The following DYSF variants were observed in gnomAD, a reference collection of about 807,000 sequenced individuals.
DYSF encodes dystrophy-associated fer-1-like 1.
DYSF carries 212 observed loss-of-function variants against 274.9 expected under a neutral mutation model. The ratio of observed to expected loss-of-function variants is 0.77; its 90% confidence interval spans 0.69 to 0.86. DYSF has a LOEUF of 0.86. Among genes scored for constraint, DYSF ranks in the 40% least tolerant of loss-of-function variants. The probability of loss-of-function intolerance (pLI) is 0.00; values close to 1 mark genes in which losing one functional copy is unlikely to be tolerated. For missense variants in DYSF, 2,666 were observed against 2,783.2 expected (o/e 0.96, Z 0.95); for synonymous variants, 1,091 against 1,078.7 (o/e 1.01, Z -0.22).
intron 52 of DYSF, 72 bp downstream of exon 52, chr2:71,674,368 A>G: frequency 6.9e-7 from 1 of 1,458,690 alleles, no homozygotes; most frequent in Non-Finnish European, 9.6e-7. Context: ...TGTTTATGCC[A>G]CTGTTGGACC....
intron 30 of DYSF, chr2:71,576,218 G>GA: frequency 6.5e-6 from 1 of 152,998 alleles, no homozygotes; most frequent in Non-Finnish European, 1.5e-5. Context: ...AGGAGCTTCT[G>GA]AAAACAAAAA....
chr2:71,617,435 G>A (rs1487348976), intron 40 of DYSF, among the ~76,000 whole-genome samples: 1 of 152,232 alleles, frequency 6.6e-6, no homozygotes, highest in Admixed American at 6.5e-5. Flanking sequence ...CCTCTGAGGC[G>A]GGTGGGTGAA....
chr2:71,462,724 G>A (rs933935689), upstream of DYSF, among the ~76,000 whole-genome samples: 1 of 152,228 alleles, frequency 6.6e-6, no homozygotes, highest in African/African-American at 2.4e-5. Flanking sequence ...CTAGCTTTCA[G>A]CAGAGAGGAG....
chr2:71,657,318 C>T (rs2094793700), intron 43 of DYSF, among the ~76,000 whole-genome samples: 1 of 152,134 alleles, frequency 6.6e-6, no homozygotes, highest in Non-Finnish European at 1.5e-5. Flanking sequence ...AGCTCTGCCT[C>T]TGTGGCTTTG....
rs574601451 is a variant in DYSF, at chr2:71,643,543, C to T, written c.4528-422C>T. ...GGTCTGAATTTTCCTGGATCTACTG[C>T]ATTTTGTTCATAAATAATACATTAT... is the stretch of plus-strand genomic sequence containing the variant. On this transcript the variant is annotated intron_variant, in intron 41 of 55. Coordinates refer to ENST00000410020, the MANE Select transcript of DYSF (RefSeq NM_001130987.2). Among the ~76,000 whole-genome samples the T allele has an allele frequency of 3.2e-4, 48 of 152,264 alleles. 1 individual carries two copies. The South Asian group carries it at 9.8e-3, about 31-fold the overall frequency.
chr2:71,666,592 C>T (rs1419013592), intron 47 of DYSF, among the ~76,000 whole-genome samples: 1 of 152,230 alleles, frequency 6.6e-6, no homozygotes, highest in Non-Finnish European at 1.5e-5. Context: ...GGATGGTTGG[C>T]CAGGCTTCTC....
At chr2:71,554,054 C>T (rs2091163666) in intron 21 of DYSF, 123 bp downstream of exon 21, 11 of 1,470,992 alleles carry the variant, frequency 7.5e-6, no homozygotes, top group South Asian at 4.6e-5. Context: ...GCCTACTGAC[C>T]TTTGTGGTTG....
At chr2:71,612,376 A>G (rs902306567) in intron 38 of DYSF, among the ~76,000 whole-genome samples, 9 of 152,140 alleles carry the variant, frequency 5.9e-5, no homozygotes, top group South Asian at 2.1e-4. Flanking sequence ...GAGGGAGCGC[A>G]GCCTCGTTTC....
chr2:71,590,916 T>A (rs934890596), intron 32 of DYSF, among the ~76,000 whole-genome samples: 1 of 152,190 alleles, frequency 6.6e-6, no homozygotes, highest in Admixed American at 6.5e-5. Flanking sequence ...CTTGCCCCTT[T>A]GTATCTAGGT....
At chr2:71,607,550 C>T (rs927805053) in intron 36 of DYSF, among the ~76,000 whole-genome samples, 5 of 152,204 alleles carry the variant, frequency 3.3e-5, no homozygotes, top group South Asian at 4.1e-4. Context: ...TTGTAGAACG[C>T]GTGGGCTGTT....
At chr2:71,566,612 C>T (rs527493659) in intron 24 of DYSF, among the ~76,000 whole-genome samples, 3 of 149,650 alleles carry the variant, frequency 2.0e-5, no homozygotes, top group South Asian at 2.1e-4. Flanking sequence ...GGCCCCGTCT[C>T]GGGGAGGACA....
At chr2:71,518,670 C>T (rs1469155504) in intron 10 of DYSF, among the ~76,000 whole-genome samples, 1 of 152,108 alleles carries the variant, frequency 6.6e-6, no homozygotes, top group East Asian at 1.9e-4. Flanking sequence ...TTATTTTCCC[C>T]TCTCCCCTCT....
At chr2:71,531,930 T>C (rs1322979361) in intron 14 of DYSF, among the ~76,000 whole-genome samples, 1 of 152,144 alleles carries the variant, frequency 6.6e-6, no homozygotes, top group East Asian at 1.9e-4. Flanking sequence ...ACAAAAACAT[T>C]GTGACAGAGG....
chr2:71,637,061 A>G (rs1331142582), intron 41 of DYSF, among the ~76,000 whole-genome samples: 1 of 152,126 alleles, frequency 6.6e-6, no homozygotes, highest in East Asian at 1.9e-4. Flanking sequence ...TAGAGACAAT[A>G]AGTGTGGACA....
chr2:71,471,967 A>T (rs1221344457), intron 1 of DYSF, among the ~76,000 whole-genome samples: 1 of 151,658 alleles, frequency 6.6e-6, no homozygotes, highest in African/African-American at 2.4e-5. Context: ...CTCAGTCTCA[A>T]AAACATCAAT....
chr2:71,653,425 G>C (rs1329106873), intron 42 of DYSF, among the ~76,000 whole-genome samples: 1 of 152,022 alleles, frequency 6.6e-6, no homozygotes, highest in Non-Finnish European at 1.5e-5. Flanking sequence ...GTCCAACAAT[G>C]ATAGACTGGA....
At chr2:71,584,966 C>A (rs920860668) in intron 30 of DYSF, among the ~76,000 whole-genome samples, 1 of 152,204 alleles carries the variant, frequency 6.6e-6, no homozygotes, top group Admixed American at 6.5e-5. Context: ...TGTTATTTAA[C>A]AAGAGCCTAG....
intron 14 of DYSF, among the ~76,000 whole-genome samples, chr2:71,530,706 A>C (rs2088597227): frequency 1.3e-5 from 2 of 152,162 alleles, no homozygotes; most frequent in South Asian, 4.1e-4. Flanking sequence ...GGTGGACCCC[A>C]GGCCTTTGCG....
chr2:71,526,481 G>T (rs2087935588), intron 13 of DYSF, 135 bp downstream of exon 13: 1 of 1,310,676 alleles, frequency 7.6e-7, no homozygotes, highest in Non-Finnish European at 1.0e-6. Flanking sequence ...AGAATTTAAC[G>T]AAAAGTAATC....
Sources: allele counts gnomAD v4.1 joint callset (sites outside exome capture counted in the v4.1 genomes callset), GRCh38; gene constraint gnomAD v4.1.1; transcripts MANE v1.5; gene names NCBI Gene and HGNC (gene_info 2026-07-23, HGNC 2026-07-21).